CASR: variants seen among roughly 807,000 people sequenced by gnomAD.
CASR encodes the protein calcium sensing receptor, also known as extracellular calcium-sensing receptor.
Under a neutral mutation model 69.1 loss-of-function variants are expected in CASR, and 23 were observed. The ratio of observed to expected loss-of-function variants is 0.33; its 90% CI spans 0.24 to 0.47. The LOEUF (loss-of-function observed/expected upper bound fraction) is 0.47, where lower values mean the gene tolerates loss of function less well. Among genes scored for constraint, CASR ranks in the 20% least tolerant of loss-of-function variants. The pLI is 1.00. For missense variants in CASR, 924 were observed against 1,356.1 expected, an observed-to-expected ratio of 0.68 and a Z score of 5.00; for synonymous variants, 541 against 544.7, an observed-to-expected ratio of 0.99 and a Z score of 0.10.
At chr3:122,271,086 A>G (rs9877886) in intron 4 of CASR, among the ~76,000 whole-genome samples, 139,858 of 152,198 alleles carry the variant, frequency 0.92, 64,595 homozygotes, top group East Asian at 0.98. Context: ...AGCTAATACG[A>G]ATGCCCTATT....
In CASR at chr3:122,285,177, G is replaced by T. The variant is rs748855270; in HGVS notation, c.3223G>T (p.Val1075Leu). 10 of 1,614,050 alleles carry T rather than the reference G, an allele frequency of 6.2e-6. No individual in the cohort carries two copies. The highest frequency in any genetic ancestry group is 7.6e-6 in the Non-Finnish European group (9 of 1,179,988). ...TGGAGGCAGCACTGTTACAGAAAAC[G>T]TAGTGAATTCATAAAATGGAAGGAG... ...SGGGSTVTENVVNS is the reference protein window; with the variant it reads ...SGGGSTVTENLVNS The change falls in exon 7 of 7, where the codon GTA (valine) becomes TTA (leucine). Residue 1075 changes from valine (V) to leucine (L), a missense_variant. Val to Leu is a conservative substitution (Grantham distance 32, BLOSUM62 1). Transcript: ENST00000639785.
At chr3:122,214,067 G>C (rs971274177) in intron 1 of CASR, among the ~76,000 whole-genome samples, 1 of 152,168 alleles carries the variant, frequency 6.6e-6, no homozygotes, top group Non-Finnish European at 1.5e-5. Context: ...GGTTTTTGTT[G>C]TTGTTGCTTA....
intron 6 of CASR, among the ~76,000 whole-genome samples, chr3:122,283,426 A>G (rs1342833138): frequency 1.3e-5 from 2 of 152,228 alleles, no homozygotes; most frequent in Non-Finnish European, 2.9e-5. Flanking sequence ...TAAGTGAAAC[A>G]AGGGCCTCAC....
chr3:122,265,511 T>C (rs557060959), intron 4 of CASR, among the ~76,000 whole-genome samples: 83 of 152,342 alleles, frequency 5.4e-4, no homozygotes, highest in African/African-American at 1.9e-3. Flanking sequence ...TTCAGTACTA[T>C]GTTCAGAATG....
At chr3:122,249,227 C>T (rs888471704) in intron 1 of CASR, among the ~76,000 whole-genome samples, 1 of 152,244 alleles carries the variant, frequency 6.6e-6, no homozygotes, top group African/African-American at 2.4e-5. Context: ...TGGTCCCCAC[C>T]TTGACTTAAT....
chr3:122,285,248 G>A lies in CASR; in HGVS notation c.*57G>A, dbSNP rs991660101. The A allele has an allele frequency of 1.3e-6, 2 of 1,539,332 alleles. No individual in the cohort carries two copies. Among genetic ancestry groups the A allele is most frequent in the East Asian group, 2.2e-5 (1 of 44,536 alleles). On this transcript the variant is annotated 3_prime_UTR_variant, in exon 7 of 7. Transcript: ENST00000639785. ...GCAGAGAGGTTTCTTGGGGTCCCAG[G>A]GAAGAGGAATCGCCCCAGACTCCTT...
At chr3:122,193,443 C>T (rs2073858248) in intron 1 of CASR, among the ~76,000 whole-genome samples, 1 of 152,134 alleles carries the variant, frequency 6.6e-6, no homozygotes, top group Non-Finnish European at 1.5e-5. Context: ...TCTCAAACTC[C>T]TGACCTCAAG....
intron 1 of CASR, among the ~76,000 whole-genome samples, chr3:122,191,727 T>C (rs2073841718): frequency 6.6e-6 from 1 of 152,206 alleles, no homozygotes; most frequent in Admixed American, 6.5e-5. Context: ...AAAGAACTCA[T>C]AGAATTTAAT....
chr3:122,185,011 G>A (rs960008006), intron 1 of CASR, among the ~76,000 whole-genome samples: 2 of 152,052 alleles, frequency 1.3e-5, no homozygotes, highest in Non-Finnish European at 2.9e-5. Flanking sequence ...TGGGAACTTT[G>A]CTTCAGTGGC....
At chr3:122,255,448 A>C (rs1383558473) in intron 2 of CASR, among the ~76,000 whole-genome samples, 5 of 152,212 alleles carry the variant, frequency 3.3e-5, no homozygotes, top group Non-Finnish European at 5.9e-5. Context: ...TAAATTGATA[A>C]TATTTTCACA....
At chr3:122,221,268 T>G (rs1366957152) in intron 1 of CASR, among the ~76,000 whole-genome samples, 1 of 152,220 alleles carries the variant, frequency 6.6e-6, no homozygotes, top group Non-Finnish European at 1.5e-5. Context: ...AGATTACCAT[T>G]CATTTTCTTT....
intron 1 of CASR, among the ~76,000 whole-genome samples, chr3:122,243,717 T>A (rs2074400566): frequency 6.6e-6 from 1 of 152,108 alleles, no homozygotes; most frequent in Non-Finnish European, 1.5e-5. Flanking sequence ...CAAAGGGATA[T>A]CTGCACTTTC....
At chr3:122,186,477 A>C (rs1010066345) in intron 1 of CASR, among the ~76,000 whole-genome samples, 8 of 152,196 alleles carry the variant, frequency 5.3e-5, no homozygotes, top group African/African-American at 1.9e-4. Context: ...AGGTAAAAAA[A>C]TCATTCATCA....
chr3:122,271,013 G>T (rs1377040296), intron 4 of CASR, among the ~76,000 whole-genome samples: 1 of 152,160 alleles, frequency 6.6e-6, no homozygotes, highest in African/African-American at 2.4e-5. Flanking sequence ...CAAGTTGGTT[G>T]ATAGTACTGT....
Position 122,256,900 on chromosome 3 carries a change from C to T in CASR, c.186-181C>T, listed in dbSNP as rs201215167. Among the ~76,000 whole-genome samples the T allele has an allele frequency of 2.6e-5, 4 of 152,192 alleles. No individual in the cohort carries two copies. The East Asian group carries it at 5.8e-4, about 22-fold the overall frequency. ...CCTCCCGAAGTGCTGAGATTACAGG[C>T]GTGAGCCACCACGCCCGGCCATGTC... On this transcript the variant is annotated intron_variant, in intron 2 of 6. Transcript: ENST00000639785.
At chr3:122,214,718 T>A (rs1206456096) in intron 1 of CASR, among the ~76,000 whole-genome samples, 1 of 152,118 alleles carries the variant, frequency 6.6e-6, no homozygotes, top group Non-Finnish European at 1.5e-5. Flanking sequence ...CCAAATAAAA[T>A]CTCTCCTGGC....
chr3:122,214,874 G>A (rs72969313), intron 1 of CASR, among the ~76,000 whole-genome samples: 3,164 of 113,360 alleles, frequency 0.028, 98 homozygotes, highest in African/African-American at 0.093. Context: ...AGGGTCACAC[G>A]AAAGCCCATG....
chr3:122,254,339 T>C lies in CASR; in HGVS notation c.150T>C (p.Asp50=), dbSNP rs769021483. 4 of 1,614,076 alleles carry C rather than the reference T, an allele frequency of 2.5e-6. No individual in the cohort carries two copies. The South Asian group carries it at 4.4e-5, about 18-fold the overall frequency. Residue 50 remains aspartate (D), a synonymous_variant, in exon 2 of 7, where the codon GAT becomes GAC. Coordinates refer to ENST00000639785, the MANE Select transcript of CASR (RefSeq NM_000388.4). ...IHFGVAAKDQ[D]LKSRPESVEC... ...TTGGAGTAGCAGCTAAAGATCAAGA[T>C]CTCAAATCAAGGCCGGAGTCTGTGG...
At chr3:122,272,604 T>C (rs2074773122) in intron 4 of CASR, among the ~76,000 whole-genome samples, 1 of 152,244 alleles carries the variant, frequency 6.6e-6, no homozygotes, top group Non-Finnish European at 1.5e-5. Context: ...AGTTAGCAGT[T>C]AACTATATTT....
Sources: allele counts gnomAD v4.1 joint callset (sites outside exome capture counted in the v4.1 genomes callset), GRCh38; gene constraint gnomAD v4.1.1; transcripts MANE v1.5; gene names NCBI Gene and HGNC (gene_info 2026-07-23, HGNC 2026-07-21).